Variants in DDA1 observed in about 807,000 individuals in gnomAD.
DDA1 encodes DET1 and DDB1 associated 1, also known as DET1- and DDB1-associated protein 1.
DDA1 carries 3 observed loss-of-function variants against 18.6 expected under a neutral mutation model. That is an observed-to-expected ratio of 0.16 (90% CI 0.07 to 0.42). DDA1 has a LOEUF of 0.42. Among genes scored for constraint, DDA1 ranks in the 10% least tolerant of loss-of-function variants. The pLI, the probability that DDA1 is intolerant of heterozygous loss-of-function variation, is 0.99. For missense variants in DDA1, 105 were observed against 138.2 expected (o/e 0.76, Z 1.20); for synonymous variants, 52 against 54.0 (o/e 0.96, Z 0.17).
chr19:17,319,135 TGG>T (rs1036107309), intron 4 of DDA1, among the ~76,000 whole-genome samples: 5 of 152,096 alleles, frequency 3.3e-5, no homozygotes, highest in Non-Finnish European at 7.4e-5. Flanking sequence ...TCATTGCATG[TGG>T]TGGGGGTGAC....
intron 1 of DDA1, among the ~76,000 whole-genome samples, chr19:17,310,475 A>G (rs1485240891): frequency 6.6e-6 from 1 of 152,116 alleles, no homozygotes; most frequent in Non-Finnish European, 1.5e-5. Flanking sequence ...CAGTCTCCCC[A>G]CCTGAAAAGT....
rs1308580653 is a variant in DDA1, at chr19:17,319,780, A to G, written c.*124A>G. ...CGGCCCATCCACACCCTGCGTCCACACCACTTCCAACCTCATAGGAGCCGA... is the reference window on the plus strand; with the variant it reads ...CGGCCCATCCACACCCTGCGTCCACGCCACTTCCAACCTCATAGGAGCCGA... On this transcript the variant is annotated 3_prime_UTR_variant, in exon 5 of 5. Transcript: ENST00000359866. The G allele has an allele frequency of 1.5e-6, 1 of 676,306 alleles. No homozygotes were observed. The highest frequency in any genetic ancestry group is 2.5e-6 in the Non-Finnish European group (1 of 399,070). The allele number at this position is 676,306 out of a possible 1,614,324, so 41.9% of individuals were successfully genotyped here.
chr19:17,315,887 C>T, intron 3 of DDA1, 47 bp from the exon 4 acceptor site: 1 of 1,586,586 alleles, frequency 6.3e-7, no homozygotes, highest in Non-Finnish European at 8.7e-7. Flanking sequence ...AGGGGAGGAG[C>T]CTGGGGAGGG....
intron 4 of DDA1, among the ~76,000 whole-genome samples, chr19:17,319,143 G>T (rs1256220873): frequency 2.0e-5 from 3 of 152,180 alleles, no homozygotes; most frequent in African/African-American, 7.2e-5. Context: ...TGTGGTGGGG[G>T]TGACTCCGGG....
At chr19:17,315,695 G>A (rs1313442733) in intron 3 of DDA1, 9 of 596,178 alleles carry the variant, frequency 1.5e-5, no homozygotes, top group African/African-American at 1.5e-4. Flanking sequence ...TCTCAGTTGC[G>A]GGGCTTGGTC....
chr19:17,312,205 T>A (rs76508273), intron 1 of DDA1, among the ~76,000 whole-genome samples: 12,639 of 152,148 alleles, frequency 0.083, 633 homozygotes, highest in Non-Finnish European at 0.11. Flanking sequence ...CCGGAGTACC[T>A]GCACCTCTCG....
rs1443034228 is a variant in DDA1 at position 17,314,467 on chromosome 19, GT to G, written c.136+80del. ...GGTGACTGCAGCGTGGCACGCGGAG[GT>G]TATCTTCAACCCCGGCCCAGGCCAT... On this transcript the variant is annotated intron_variant, in intron 3 of 4. Coordinates refer to ENST00000359866, the MANE Select transcript of DDA1 (RefSeq NM_024050.6). This position sits in a 1 kb window ranked among gnomAD's most constrained non-coding sequence, Gnocchi z 4.6. The G allele has an allele frequency of 6.3e-7, 1 of 1,582,526 alleles. No individual in the cohort carries two copies.
rs12327712 is a variant in DDA1 at position 17,314,138 on chromosome 19, T to G, written c.84+35T>G. On this transcript the variant is annotated intron_variant, in intron 2 of 4. Coordinates refer to ENST00000359866, the MANE Select transcript of DDA1 (RefSeq NM_024050.6). The surrounding 1 kb of genome is among the most constrained non-coding windows in gnomAD (Gnocchi z 4.6). ...TGTTCCTGGGACTGGGAGGAATTGG[T>G]CACTTCCAGGGGGCCTGGGGGCAGC... The G allele has an allele frequency of 0.38, 615,056 of 1,609,620 alleles. 124,543 individuals carry two copies. The highest frequency in any genetic ancestry group is 0.63 in the African/African-American group (47,311 of 74,948).
chr19:17,319,579 G>A lies in DDA1; in HGVS notation c.232G>A (p.Glu78Lys), dbSNP rs1201107737. Residue 78 changes from glutamate to lysine, a missense_variant, in exon 5 of 5, where the codon GAG becomes AAG. Physicochemically the swap from Glu to Lys is moderately conservative, Grantham distance 56. Coordinates refer to ENST00000359866, the MANE Select transcript of DDA1 (RefSeq NM_024050.6). Reference sequence around the variant, plus strand: ...CAAGAAGAGAGACCAGGAGCAAGTGGAGCTGGAAGGCGAGAGCTCCGCACC... The same window carrying A: ...CAAGAAGAGAGACCAGGAGCAAGTGAAGCTGGAAGGCGAGAGCTCCGCACC... ...AAKKRDQEQVELEGESSAPPR... is the reference protein window; with the variant it reads ...AAKKRDQEQVKLEGESSAPPR... The A allele has an allele frequency of 6.3e-7, 1 of 1,576,642 alleles. No individual in the cohort carries two copies. The highest frequency in any genetic ancestry group is 1.3e-5 in the African/African-American group (1 of 74,170).
chr19:17,315,910 A>T (rs1362254673), intron 3 of DDA1, 24 bp from the exon 4 acceptor site: 2 of 1,613,754 alleles, frequency 1.2e-6, no homozygotes, highest in African/African-American at 1.3e-5. Flanking sequence ...GGCGTCTGCG[A>T]CTTTCTCTAT....
intron 4 of DDA1, 57 bp from the exon 5 acceptor site, chr19:17,319,489 G>A (rs944089467): frequency 2.7e-5 from 39 of 1,465,558 alleles, no homozygotes; most frequent in Non-Finnish European, 3.6e-5. Context: ...GAGCCCAGAA[G>A]GTTGAGGCTG....
chr19:17,318,317 C>T (rs1028296076), intron 4 of DDA1, among the ~76,000 whole-genome samples: 4 of 152,188 alleles, frequency 2.6e-5, no homozygotes, highest in South Asian at 2.1e-4. Context: ...CTGTAATCTC[C>T]GCCTCCTGGG....
At chr19:17,313,341 C>T (rs537899946) in intron 1 of DDA1, among the ~76,000 whole-genome samples, 26 of 151,756 alleles carry the variant, frequency 1.7e-4, no homozygotes, top group Admixed American at 4.6e-4. Flanking sequence ...AGGAGGGCCC[C>T]GTTCAGGGCA....
At chr19:17,309,871 C>T (rs957651464) in intron 1 of DDA1, among the ~76,000 whole-genome samples, 1 of 152,172 alleles carries the variant, frequency 6.6e-6, no homozygotes, top group African/African-American at 2.4e-5. Context: ...ACCCCTGACC[C>T]CATCCAGGAT....
rs1281395790 is a variant in DDA1, at chr19:17,321,940, G to A, written c.*2284G>A. Reference sequence around the variant, plus strand: ...GTGCCGGGTCCGGCTGAATGCCCTGGAGGCTCCCAGGCCAGCTGGGGAGTC... The same window carrying A: ...GTGCCGGGTCCGGCTGAATGCCCTGAAGGCTCCCAGGCCAGCTGGGGAGTC... On this transcript the variant is annotated 3_prime_UTR_variant, in exon 5 of 5. Transcript: ENST00000359866. 1.3e-5 allele frequency: 2 copies of A among 152,552 alleles called. No homozygotes were observed. The highest frequency in any genetic ancestry group is 2.9e-5 in the Non-Finnish European group (2 of 68,270). The allele number at this position is 152,552 out of a possible 1,614,324, so 9.4% of individuals were successfully genotyped here.
intron 1 of DDA1, among the ~76,000 whole-genome samples, chr19:17,311,137 G>T (rs1047009990): frequency 1.3e-5 from 2 of 151,550 alleles, no homozygotes; most frequent in African/African-American, 4.8e-5. Context: ...ACAGGTGTGA[G>T]GCACTGCATG....
intron 4 of DDA1, among the ~76,000 whole-genome samples, chr19:17,318,979 C>T (rs1181597022): frequency 6.6e-6 from 1 of 152,148 alleles, no homozygotes; most frequent in East Asian, 1.9e-4. Flanking sequence ...TCCTGCCCCC[C>T]AGGACTTGGT....
At chr19:17,317,822 G>T (rs2074221178) in intron 4 of DDA1, among the ~76,000 whole-genome samples, 1 of 150,166 alleles carries the variant, frequency 6.7e-6, no homozygotes, top group Non-Finnish European at 1.5e-5. Context: ...CTGGGCAACA[G>T]AACCAGACTC....
In DDA1 at chr19:17,314,331, C is replaced by A. The variant is rs1568353241; in HGVS notation, c.85-7C>A. Reference sequence around the variant, plus strand: ...TCCTAACCCACCCCTTCTCAACCCTCCTGCAGAACCGACGGCCCTCAGTCT... The same window carrying A: ...TCCTAACCCACCCCTTCTCAACCCTACTGCAGAACCGACGGCCCTCAGTCT... On this transcript the variant is annotated splice_polypyrimidine_tract_variant and splice_region_variant and intron_variant, in intron 2 of 4. Coordinates refer to ENST00000359866, the MANE Select transcript of DDA1 (RefSeq NM_024050.6). This position sits in a 1 kb window ranked among gnomAD's most constrained non-coding sequence, Gnocchi z 4.6. 8 of 1,614,134 alleles carry A rather than the reference C, an allele frequency of 5.0e-6. No homozygotes were observed. The highest frequency in any genetic ancestry group is 6.8e-6 in the Non-Finnish European group (8 of 1,180,050).
Sources: allele counts gnomAD v4.1 joint callset (sites outside exome capture counted in the v4.1 genomes callset), GRCh38; gene constraint gnomAD v4.1.1; non-coding constraint Gnocchi (gnomAD v3.1); transcripts MANE v1.5; gene names NCBI Gene and HGNC (gene_info 2026-07-23, HGNC 2026-07-21).